Variants in BNIP3L observed in about 807,000 individuals in gnomAD.
BNIP3L encodes BCL2/adenovirus E1B 19 kDa protein-interacting protein 3-like.
In BNIP3L, 10 loss-of-function variants were observed where a neutral mutation model predicts 25.5. The ratio of observed to expected loss-of-function variants is 0.39; its 90% CI spans 0.24 to 0.67. The LOEUF is 0.67. Ranked by LOEUF, BNIP3L falls within the 30% of genes least tolerant of loss-of-function variation. The probability of loss-of-function intolerance (pLI) is 0.45; values close to 1 mark genes in which losing one functional copy is unlikely to be tolerated. For synonymous variants in BNIP3L, 113 were observed against 101.2 expected (o/e 1.12, Z -0.70); for missense variants, 215 against 270.9 (o/e 0.79, Z 1.45).
chr8:26,384,661 T>G (rs1805946184), intron 1 of BNIP3L, among the ~76,000 whole-genome samples: 1 of 151,720 alleles, frequency 6.6e-6, no homozygotes, highest in African/African-American at 2.4e-5. Context: ...CTTGTCCAAG[T>G]TCACAACCGG....
In BNIP3L at chr8:26,410,486, G is replaced by A. The variant is rs748889397; in HGVS notation, c.*74G>A. 6 of 1,565,766 alleles carry A rather than the reference G, an allele frequency of 3.8e-6. No individual in the cohort carries two copies. The highest frequency in any genetic ancestry group is 3.3e-5 in the South Asian group (3 of 89,862). ...TTGTCACAGTAGCTTATTTGAACTT[G>A]AGACCATTGTAAGCATGACCCAACC... On this transcript the variant is annotated 3_prime_UTR_variant, in exon 6 of 6. Coordinates refer to ENST00000380629, the MANE Select transcript of BNIP3L (RefSeq NM_004331.3).
intron 1 of BNIP3L, 132 bp from the exon 2 acceptor site, chr8:26,391,111 T>G: frequency 1.4e-6 from 1 of 699,394 alleles, no homozygotes; most frequent in South Asian, 2.9e-5. Flanking sequence ...TTCTTATTTA[T>G]TTTCTTCAGA....
intron 3 of BNIP3L, among the ~76,000 whole-genome samples, chr8:26,402,999 C>CA (rs1159313013): frequency 6.6e-6 from 1 of 152,096 alleles, no homozygotes; most frequent in Non-Finnish European, 1.5e-5. Flanking sequence ...CCTGGAATTC[C>CA]AAAGGAATTT....
chr8:26,389,449 C>T (rs938691143), intron 1 of BNIP3L, among the ~76,000 whole-genome samples: 1 of 151,634 alleles, frequency 6.6e-6, no homozygotes, highest in African/African-American at 2.4e-5. Context: ...TTTGTTAATC[C>T]ATTTTGAGTT....
chr8:26,410,384 T>G lies in BNIP3L; in HGVS notation c.632T>G (p.Leu211Arg). ...TTCAGCATCTATATTGGAAAGCGAC[T>G]GAGCACACCCTCTGCCAGCACCTAC... ...LGLGIYIGKR[L>R]STPSASTY Residue 211 changes from leucine to arginine, a missense_variant, in exon 6 of 6, where the codon CTG (leucine) becomes CGG (arginine). This residue lies in a region of BNIP3L where 63 missense variants were observed against 98.8 expected (regional missense o/e 0.64). Coordinates refer to ENST00000380629, the MANE Select transcript of BNIP3L (RefSeq NM_004331.3). 6.2e-7 allele frequency: 1 copy of G among 1,614,144 alleles called. No homozygotes were observed. The highest frequency in any genetic ancestry group is 8.5e-7 in the Non-Finnish European group (1 of 1,180,016).
intron 3 of BNIP3L, among the ~76,000 whole-genome samples, chr8:26,405,472 A>G (rs903919088): frequency 7.9e-5 from 12 of 152,218 alleles, no homozygotes; most frequent in Admixed American, 1.3e-4. Flanking sequence ...CAAGTTCAGC[A>G]GAACTAGATA....
rs1806617745 is a variant in BNIP3L at position 26,411,280 on chromosome 8, CATTTTTT to C, written c.*880_*886del. On this transcript the variant is annotated 3_prime_UTR_variant, in exon 6 of 6. Transcript: ENST00000380629. Reference sequence around the variant, plus strand: ...TGTGAATTTTTCATGACCTTCTTTACATTTTTTATTTTTTATTTCTTTATTTTTTTTT... The same window carrying C: ...TGTGAATTTTTCATGACCTTCTTTACATTTTTTATTTCTTTATTTTTTTTT... The C allele has an allele frequency of 6.6e-6, 1 of 152,406 alleles. No individual in the cohort carries two copies. Among genetic ancestry groups the C allele is most frequent in the Non-Finnish European group, 1.5e-5 (1 of 67,994 alleles). The allele number at this position is 152,406 out of a possible 1,614,324, so 9.4% of individuals were successfully genotyped here. A position where few individuals can be genotyped will look rare whatever the true frequency, so the allele number is the denominator to read the frequency against.
rs1010268546 is a variant in BNIP3L, at chr8:26,383,080, G to A, written c.-51G>A. 4.0e-6 allele frequency: 6 copies of A among 1,491,994 alleles called. No individual in the cohort carries two copies. Among genetic ancestry groups the A allele is most frequent in the Admixed American group, 3.9e-5 (2 of 50,986 alleles). 92.4% of individuals were successfully genotyped at this position (1,491,994 alleles called of 1,614,324 possible). On this transcript the variant is annotated 5_prime_UTR_variant, in exon 1 of 6. Transcript: ENST00000380629. ...GACTCGGCTTGTTGTGTTGCTGCCT[G>A]AGTGCCGGAGACGGTCCTGCTGCTG... is the stretch of plus-strand genomic sequence containing the variant.
chr8:26,403,670 G>A (rs1482274600), intron 3 of BNIP3L, among the ~76,000 whole-genome samples: 1 of 151,854 alleles, frequency 6.6e-6, no homozygotes, highest in African/African-American at 2.4e-5. Flanking sequence ...CCTAGTAGCT[G>A]GGACTACAGG....
chr8:26,393,073 G>A (rs1806150705), intron 2 of BNIP3L, among the ~76,000 whole-genome samples: 1 of 151,830 alleles, frequency 6.6e-6, no homozygotes, highest in Non-Finnish European at 1.5e-5. Context: ...TAGATTAGTG[G>A]TCATCTTTCA....
chr8:26,387,367 A>G (rs1806013633), intron 1 of BNIP3L, among the ~76,000 whole-genome samples: 1 of 152,216 alleles, frequency 6.6e-6, no homozygotes. Context: ...TAGTTTGTAA[A>G]GTCTTTTAGA....
intron 1 of BNIP3L, chr8:26,383,501 G>C (rs1805905209): frequency 8.9e-7 from 1 of 1,121,776 alleles, no homozygotes; most frequent in Non-Finnish European, 1.1e-6. Context: ...CCCCTGGTGC[G>C]GGGGGTGGTC....
At chr8:26,383,306 C>T in intron 1 of BNIP3L, 76 bp downstream of exon 1, 1 of 1,535,990 alleles carries the variant, frequency 6.5e-7, no homozygotes, top group South Asian at 1.2e-5. Flanking sequence ...CGGCGCGGCG[C>T]GGGAGGCGGG....
chr8:26,384,049 C>T (rs1805925994), intron 1 of BNIP3L, among the ~76,000 whole-genome samples: 2 of 152,078 alleles, frequency 1.3e-5, no homozygotes, highest in African/African-American at 2.4e-5. Context: ...AGTTAACGGA[C>T]GAGGCTGATA....
At position 26,408,116 on chromosome 8, in the gene BNIP3L, A is replaced by G. The variant is rs150321619; in HGVS notation, c.461+13A>G. The G allele has an allele frequency of 1.7e-3, 2,665 of 1,613,324 alleles. 57 individuals are homozygous for G. In the Admixed American group the frequency reaches 0.038, roughly 23 times the overall value. On this transcript the variant is annotated intron_variant, in intron 4 of 5. Transcript: ENST00000380629. Reference sequence around the variant, plus strand: ...ACATTCCACCCAAGTGAGTTCTCACATGTTTCTTGTCAGTGGACACAGTTG... The same window carrying G: ...ACATTCCACCCAAGTGAGTTCTCACGTGTTTCTTGTCAGTGGACACAGTTG...
chr8:26,403,818 A>G (rs929875338), intron 3 of BNIP3L, among the ~76,000 whole-genome samples: 1 of 152,058 alleles, frequency 6.6e-6, no homozygotes, highest in African/African-American at 2.4e-5. Flanking sequence ...GGAATTACAG[A>G]CATGAGTTAC....
intron 1 of BNIP3L, among the ~76,000 whole-genome samples, chr8:26,388,333 G>T (rs1806033874): frequency 6.6e-6 from 1 of 152,132 alleles, no homozygotes. Flanking sequence ...AGTCTTCGAG[G>T]TAGATACAGT....
At chr8:26,403,862 G>T (rs1223200517) in intron 3 of BNIP3L, among the ~76,000 whole-genome samples, 1 of 152,070 alleles carries the variant, frequency 6.6e-6, no homozygotes, top group Non-Finnish European at 1.5e-5. Flanking sequence ...TCTCAATCCA[G>T]TGAAAGCAAT....
At chr8:26,388,914 C>G (rs1806047888) in intron 1 of BNIP3L, among the ~76,000 whole-genome samples, 2 of 152,172 alleles carry the variant, frequency 1.3e-5, no homozygotes, top group African/African-American at 4.8e-5. Context: ...TGCTTGGGCC[C>G]AGGAATCAAG....
Sources: gnomAD v4.1 joint callset for allele counts (sites outside exome capture counted in the v4.1 genomes callset) on GRCh38, gnomAD v4.1.1 for gene constraint, gnomAD v4.1.1 regional missense constraint, MANE v1.5 for transcripts, NCBI Gene and HGNC (gene_info 2026-07-23, HGNC 2026-07-21) for gene names.